TCERG1: variants seen among roughly 807,000 people sequenced by gnomAD.
TCERG1 encodes the protein transcription elongation regulator 1.
TCERG1 carries 37 observed loss-of-function variants against 144.7 expected under a neutral mutation model. The ratio of observed to expected loss-of-function variants is 0.26; its 90% CI spans 0.20 to 0.34. The LOEUF is 0.34. Ranked by LOEUF, TCERG1 falls within the 10% of genes least tolerant of loss-of-function variation. TCERG1 has a pLI of 1.00. For synonymous variants in TCERG1, 492 were observed against 458.2 expected, an observed-to-expected ratio of 1.07 and a Z score of -0.94; for missense variants, 1,027 against 1,380.7, an observed-to-expected ratio of 0.74 and a Z score of 4.06.
At chr5:146,477,369 A>G (rs111924281) in intron 9 of TCERG1, among the ~76,000 whole-genome samples, 5 of 152,320 alleles carry the variant, frequency 3.3e-5, no homozygotes, top group African/African-American at 1.2e-4. Context: ...TTTGATGATC[A>G]GGTCATATAG....
intron 4 of TCERG1, among the ~76,000 whole-genome samples, chr5:146,461,030 TAGAA>T (rs1434251174): frequency 2.0e-5 from 3 of 152,282 alleles, no homozygotes; most frequent in Admixed American, 6.5e-5. Flanking sequence ...CCTGCGTTCT[TAGAA>T]AGGAGAAATA....
chr5:146,461,699 C>T (rs1763340631), intron 4 of TCERG1, among the ~76,000 whole-genome samples: 1 of 152,050 alleles, frequency 6.6e-6, no homozygotes, highest in South Asian at 2.1e-4. Context: ...ACAATTTTAG[C>T]AATTATCTGA....
At chr5:146,471,460 C>T (rs1764287622) in intron 8 of TCERG1, 28 bp from the exon 9 acceptor site, 2 of 1,586,764 alleles carry the variant, frequency 1.3e-6, no homozygotes. Flanking sequence ...TAATGTGATA[C>T]TAATTAGAGT....
rs754622339 is a variant in TCERG1 at position 146,457,214 on chromosome 5, C to G, written c.317C>G (p.Ser106Cys). ...CCTTTCATGCCTCCTCCCATGAGTT[C>G]CATGCCTCCTCCTCCGGGTATGATG... ...RPPFMPPPMS[S>C]MPPPPGMMFP... Residue 106 changes from serine (S) to cysteine (C), a missense_variant, in exon 3 of 23, where the codon TCC becomes TGC. Physicochemically the swap from Ser to Cys is moderately radical, Grantham distance 112. This residue lies in a region of TCERG1 where 175 missense variants were observed against 197.0 expected (regional missense o/e 0.89). Coordinates refer to ENST00000679501, the MANE Select transcript of TCERG1 (RefSeq NM_001382548.1). 1 of 1,614,088 alleles carries G rather than the reference C, an allele frequency of 6.2e-7. No homozygotes were observed. The highest frequency in any genetic ancestry group is 1.3e-5 in the African/African-American group (1 of 75,042).
At chr5:146,469,922 A>C in intron 7 of TCERG1, 178 bp downstream of exon 7, 1 of 460,058 alleles carries the variant, frequency 2.2e-6, no homozygotes, top group Non-Finnish European at 3.6e-6. Flanking sequence ...AGTTCTACTT[A>C]CATGTTTGTC....
chr5:146,485,673 CATTT>C (rs1469086851), intron 15 of TCERG1, among the ~76,000 whole-genome samples: 1 of 152,040 alleles, frequency 6.6e-6, no homozygotes, highest in South Asian at 2.1e-4. Flanking sequence ...GTTCTCATGC[CATTT>C]ATTTATTTAT....
chr5:146,504,158 A>C, intron 19 of TCERG1, 152 bp downstream of exon 19: 1 of 776,308 alleles, frequency 1.3e-6, no homozygotes, highest in East Asian at 3.3e-5. Flanking sequence ...TGGTATTAGT[A>C]CTGTTAGTAT....
Position 146,469,602 on chromosome 5 carries a change from T to G in TCERG1, c.1257T>G (p.Ile419Met). 1 of 1,613,486 alleles carries G rather than the reference T, an allele frequency of 6.2e-7. No individual in the cohort carries two copies. Among genetic ancestry groups the G allele is most frequent in the Non-Finnish European group, 8.5e-7 (1 of 1,179,664 alleles). ...IVPMIHPQVA[I>M]AASPATLAGA... Reference sequence around the variant, plus strand: ...CCATGATACATCCCCAGGTTGCTATTGCAGCTTCACCTGCTACCTTAGCTG... The same window carrying G: ...CCATGATACATCCCCAGGTTGCTATGGCAGCTTCACCTGCTACCTTAGCTG... Residue 419 changes from isoleucine to methionine, a missense_variant, in exon 7 of 23, where the codon ATT (isoleucine) becomes ATG (methionine). Ile to Met is a conservative substitution (Grantham distance 10). This residue lies in a region of TCERG1 where 482 missense variants were observed against 632.6 expected (regional missense o/e 0.76). Coordinates refer to ENST00000679501, the MANE Select transcript of TCERG1 (RefSeq NM_001382548.1).
intron 12 of TCERG1, among the ~76,000 whole-genome samples, chr5:146,480,793 C>T (rs1253567628): frequency 1.3e-5 from 2 of 151,992 alleles, no homozygotes; most frequent in Non-Finnish European, 2.9e-5. Flanking sequence ...AGTAGGACAA[C>T]CCCTATAAAG....
intron 9 of TCERG1, among the ~76,000 whole-genome samples, chr5:146,472,126 C>A (rs1411873301): frequency 6.6e-6 from 1 of 152,094 alleles, no homozygotes; most frequent in Non-Finnish European, 1.5e-5. Flanking sequence ...ACTGTGAGAT[C>A]CTGAATCTAC....
intron 9 of TCERG1, among the ~76,000 whole-genome samples, chr5:146,476,252 C>T (rs1764829481): frequency 6.6e-6 from 1 of 152,186 alleles, no homozygotes; most frequent in Non-Finnish European, 1.5e-5. Context: ...GATACCATTA[C>T]TTGCCATTTA....
chr5:146,485,922 G>A (rs764838911), intron 15 of TCERG1, among the ~76,000 whole-genome samples: 2 of 152,060 alleles, frequency 1.3e-5, no homozygotes, highest in South Asian at 2.1e-4. Context: ...CTTGAACACC[G>A]GACCTCAAGT....
At chr5:146,467,373 A>G (rs76795687) in intron 5 of TCERG1, among the ~76,000 whole-genome samples, 1,962 of 152,252 alleles carry the variant, frequency 0.013, 43 homozygotes, top group African/African-American at 0.045. Flanking sequence ...AAAAAATAAA[A>G]AAGTAAAAAT....
chr5:146,506,927 A>G (rs911829298), intron 19 of TCERG1, 101 bp from the exon 20 acceptor site: 4 of 985,362 alleles, frequency 4.1e-6, no homozygotes, highest in East Asian at 2.7e-5. Flanking sequence ...GGTTGATTCC[A>G]TATCTTGGCT....
At chr5:146,487,289 T>TA (rs1765929253) in intron 15 of TCERG1, among the ~76,000 whole-genome samples, 1 of 152,060 alleles carries the variant, frequency 6.6e-6, no homozygotes, top group Non-Finnish European at 1.5e-5. Flanking sequence ...GATTATAAGA[T>TA]ACTGATGAAA....
At chr5:146,474,005 T>G (rs1380832189) in intron 9 of TCERG1, among the ~76,000 whole-genome samples, 2 of 151,942 alleles carry the variant, frequency 1.3e-5, no homozygotes, top group East Asian at 3.9e-4. Context: ...TAGATTGTGA[T>G]TCCTCTGGTG....
At chr5:146,450,634 G>T (rs563297662) in intron 1 of TCERG1, among the ~76,000 whole-genome samples, 4 of 152,110 alleles carry the variant, frequency 2.6e-5, no homozygotes, top group Non-Finnish European at 5.9e-5. Flanking sequence ...TTCTGGTGAG[G>T]TTGTTGTGAT....
chr5:146,466,861 G>A (rs764375052), intron 5 of TCERG1, among the ~76,000 whole-genome samples: 5 of 152,234 alleles, frequency 3.3e-5, no homozygotes, highest in Admixed American at 6.5e-5. Context: ...TTGGAAGATG[G>A]TTTTGGAGAA....
At chr5:146,475,524 A>G (rs1217626800) in intron 9 of TCERG1, among the ~76,000 whole-genome samples, 2 of 152,256 alleles carry the variant, frequency 1.3e-5, no homozygotes, top group African/African-American at 4.8e-5. Context: ...TTACTTACCT[A>G]GCCCAATATG....
Sources: allele counts gnomAD v4.1 joint callset (sites outside exome capture counted in the v4.1 genomes callset), GRCh38; gene constraint gnomAD v4.1.1; regional missense constraint gnomAD v4.1.1; transcripts MANE v1.5; gene names NCBI Gene and HGNC (gene_info 2026-07-23, HGNC 2026-07-21).